AMBRA1: variants seen among roughly 807,000 people sequenced by gnomAD.
AMBRA1 encodes autophagy and beclin 1 regulator 1.
AMBRA1 carries 47 observed loss-of-function variants against 125.4 expected under a neutral mutation model. That is an observed-to-expected ratio of 0.37 (90% CI 0.30 to 0.48). The LOEUF (loss-of-function observed/expected upper bound fraction) is 0.48. Ranked by LOEUF, AMBRA1 falls within the 20% of genes least tolerant of loss-of-function variation. The pLI, the probability that AMBRA1 is intolerant of heterozygous loss-of-function variation, is 0.99. For synonymous variants in AMBRA1, 626 were observed against 655.5 expected (o/e 0.95, Z 0.69); for missense variants, 1,331 against 1,693.4 (o/e 0.79, Z 3.76).
In AMBRA1 at chr11:46,570,891, C is replaced by T. The variant is rs979783012; in HGVS notation, c.-120-22391G>A. ...CTACACGATGCAGCAAGCCCTACTCCAAGAAAGGGATAGAGAACTGGAAAA... is the reference window on the plus strand; with the variant it reads ...CTACACGATGCAGCAAGCCCTACTCTAAGAAAGGGATAGAGAACTGGAAAA... On this transcript the variant is annotated intron_variant, in intron 1 of 17. Transcript: ENST00000683756. Among the ~76,000 whole-genome samples the T allele has an allele frequency of 2.6e-5, 4 of 151,814 alleles. No individual in the cohort carries two copies. In the South Asian group the frequency reaches 8.3e-4, roughly 32 times the overall value.
At chr11:46,447,853 A>G (rs181937991) in intron 11 of AMBRA1, among the ~76,000 whole-genome samples, 1 of 152,288 alleles carries the variant, frequency 6.6e-6, no homozygotes, top group Non-Finnish European at 1.5e-5. Flanking sequence ...CTCTGTGTGT[A>G]TTGCATCTAC....
At chr11:46,468,502 GA>G (rs1949426545) in intron 11 of AMBRA1, among the ~76,000 whole-genome samples, 1 of 152,138 alleles carries the variant, frequency 6.6e-6, no homozygotes. Flanking sequence ...CACTCTTAAA[GA>G]AAAGGAAGGC....
At chr11:46,451,730 T>A (rs954017612) in intron 11 of AMBRA1, 1 of 153,414 alleles carries the variant, frequency 6.5e-6, no homozygotes, top group Non-Finnish European at 1.5e-5. Context: ...GAAGATGAAA[T>A]AAGAATGGGG....
chr11:46,475,725 T>C, intron 11 of AMBRA1, among the ~76,000 whole-genome samples: 1 of 152,220 alleles, frequency 6.6e-6, no homozygotes. Context: ...AATAGTCAAC[T>C]TGCAACCATC....
chr11:46,520,751 A>C (rs1591019099), intron 7 of AMBRA1, among the ~76,000 whole-genome samples: 2 of 147,968 alleles, frequency 1.4e-5, no homozygotes, highest in Non-Finnish European at 1.5e-5. Context: ...GCCCACCACC[A>C]AGCCCGGCTA....
chr11:46,583,677 A>AAAAAAAAAAAAAAAAAAAAAAC lies in AMBRA1; in HGVS notation c.-121+10150_-121+10151insGTTTTTTTTTTTTTTTTTTTTT, dbSNP rs1565324615. Among the ~76,000 whole-genome samples, 2 of 143,830 alleles carry AAAAAAAAAAAAAAAAAAAAAAC rather than the reference A, an allele frequency of 1.4e-5. 1 individual carries two copies. Among genetic ancestry groups the AAAAAAAAAAAAAAAAAAAAAAC allele is most frequent in the African/African-American group, 5.3e-5 (2 of 37,510 alleles). 94.4% of individuals were successfully genotyped at this position (143,830 alleles called of 152,430 possible). On this transcript the variant is annotated intron_variant, in intron 1 of 17. Transcript: ENST00000683756. ...CAAAAAAAAAAAAAAAAAAAAAAAA[A>AAAAAAAAAAAAAAAAAAAAAAC]AACAACAAAACAACCCCATCAAAAA...
At chr11:46,543,431 G>A in intron 6 of AMBRA1, 33 bp from the exon 7 acceptor site, 1 of 1,599,092 alleles carries the variant, frequency 6.3e-7, no homozygotes, top group South Asian at 1.1e-5. Flanking sequence ...GCAGGGGGTA[G>A]AGCAAGGCAG....
intron 11 of AMBRA1, among the ~76,000 whole-genome samples, chr11:46,480,417 A>G (rs995256946): frequency 1.3e-5 from 2 of 152,170 alleles, no homozygotes; most frequent in Non-Finnish European, 2.9e-5. Context: ...GTGAGAAACA[A>G]GAAATGTCTT....
chr11:46,517,470 GTTTTT>G (rs768814141), intron 7 of AMBRA1, among the ~76,000 whole-genome samples: 2 of 96,184 alleles, frequency 2.1e-5, no homozygotes, highest in African/African-American at 9.1e-5. Context: ...TATTAATAAG[GTTTTT>G]TTTTTTTTTT....
At chr11:46,433,404 C>T (rs1299576803) in intron 14 of AMBRA1, 70 bp downstream of exon 14, 6 of 1,553,232 alleles carry the variant, frequency 3.9e-6, no homozygotes, top group South Asian at 1.2e-5. Flanking sequence ...GGTCACACCA[C>T]TGTCCCCTCA....
intron 9 of AMBRA1, among the ~76,000 whole-genome samples, chr11:46,500,078 C>A (rs954289916): frequency 1.3e-5 from 2 of 152,126 alleles, no homozygotes; most frequent in Non-Finnish European, 2.9e-5. Flanking sequence ...GGGAAAGGGG[C>A]CGGCTCAAGA....
chr11:46,500,645 C>T (rs951033041), intron 9 of AMBRA1, among the ~76,000 whole-genome samples: 18 of 152,168 alleles, frequency 1.2e-4, no homozygotes, highest in Admixed American at 5.9e-4. Flanking sequence ...CTCCATAGCT[C>T]TAGCCACAGA....
intron 1 of AMBRA1, among the ~76,000 whole-genome samples, chr11:46,590,348 T>A (rs1283770148): frequency 6.6e-6 from 1 of 151,246 alleles, no homozygotes; most frequent in Non-Finnish European, 1.5e-5. Context: ...AAAAAAAAAA[T>A]TAATTTAAAA....
At chr11:46,438,647 C>T (rs1305713376) in intron 12 of AMBRA1, among the ~76,000 whole-genome samples, 1 of 152,158 alleles carries the variant, frequency 6.6e-6, no homozygotes, top group Non-Finnish European at 1.5e-5. Flanking sequence ...GACCCATAAA[C>T]ACTCCCTGAA....
intron 7 of AMBRA1, among the ~76,000 whole-genome samples, chr11:46,532,249 T>C (rs1952251328): frequency 6.6e-6 from 1 of 152,168 alleles, no homozygotes; most frequent in South Asian, 2.1e-4. Flanking sequence ...TATGTGATTG[T>C]CAGAGATAGA....
intron 7 of AMBRA1, among the ~76,000 whole-genome samples, chr11:46,533,246 C>A (rs1036727097): frequency 6.7e-6 from 1 of 148,788 alleles, no homozygotes; most frequent in African/African-American, 2.4e-5. Flanking sequence ...GGAGTTAACA[C>A]ACACACAAAT....
rs1429639224 is a variant in AMBRA1, at chr11:46,555,876, A to T, written c.-120-7376T>A. On this transcript the variant is annotated intron_variant, in intron 1 of 17. Coordinates refer to ENST00000683756, the MANE Select transcript of AMBRA1 (RefSeq NM_001387011.1). ...GACCTGCAAGAAGCTGTTAAAATGG[A>T]GTCCAATCTCCTTATTTATTTGAGT... is the stretch of plus-strand genomic sequence containing the variant. 8.5e-5 allele frequency among the ~76,000 whole-genome samples: 13 copies of T among 152,250 alleles called. No individual in the cohort carries two copies. In the East Asian group the frequency reaches 2.3e-3, roughly 27 times the overall value.
chr11:46,560,869 G>T (rs763000447), intron 1 of AMBRA1, among the ~76,000 whole-genome samples: 3 of 152,110 alleles, frequency 2.0e-5, no homozygotes, highest in East Asian at 1.9e-4. Flanking sequence ...CCCCAGAAAC[G>T]GAAACTGAAA....
intron 14 of AMBRA1, among the ~76,000 whole-genome samples, chr11:46,425,310 T>TTGTGTGTGTGTG (rs34321655): frequency 0.012 from 1,662 of 135,544 alleles, 19 homozygotes; most frequent in Non-Finnish European, 0.015. Flanking sequence ...CTTGATCCAT[T>TTGTGTGTGTGTG]TGTGTGTGTG....
Sources: gnomAD v4.1 joint callset for allele counts (sites outside exome capture counted in the v4.1 genomes callset) on GRCh38, gnomAD v4.1.1 for gene constraint, MANE v1.5 for transcripts, NCBI Gene and HGNC (gene_info 2026-07-23, HGNC 2026-07-21) for gene names.